Variants in NAA15 observed in about 807,000 individuals in gnomAD.
The protein encoded by NAA15 is N-alpha-acetyltransferase 15, NatA auxiliary subunit.
A neutral mutation model predicts 114.0 loss-of-function variants in NAA15; 34 were observed. That is an observed-to-expected ratio of 0.30 (90% CI 0.23 to 0.40). The LOEUF (loss-of-function observed/expected upper bound fraction) is 0.40, where lower values mean the gene tolerates loss of function less well. NAA15 is among the 10% of genes least tolerant of loss of function. The probability of loss-of-function intolerance (pLI) is 1.00; values close to 1 mark genes in which losing one functional copy is unlikely to be tolerated. For missense variants in NAA15, 658 were observed against 1,004.5 expected (o/e 0.66, Z 4.66); for synonymous variants, 340 against 338.0 (o/e 1.01, Z -0.06).
intron 1 of NAA15, among the ~76,000 whole-genome samples, chr4:139,318,999 T>G (rs1466052998): frequency 6.6e-6 from 1 of 152,122 alleles, no homozygotes; most frequent in Non-Finnish European, 1.5e-5. Context: ...TCTAAAAACA[T>G]TTTTGTAGGC....
chr4:139,367,003 A>G (rs1185432697), intron 14 of NAA15, among the ~76,000 whole-genome samples: 1 of 152,248 alleles, frequency 6.6e-6, no homozygotes, highest in Non-Finnish European at 1.5e-5. Flanking sequence ...GAATCTTGTC[A>G]TGTAAATCAG....
intron 1 of NAA15, among the ~76,000 whole-genome samples, chr4:139,332,035 G>C (rs1434127941): frequency 6.6e-6 from 1 of 152,050 alleles, no homozygotes; most frequent in Non-Finnish European, 1.5e-5. Flanking sequence ...GCTCTTGCTG[G>C]AAACCTATTC....
chr4:139,371,480 A>T, intron 15 of NAA15, among the ~76,000 whole-genome samples: 1 of 140,314 alleles, frequency 7.1e-6, no homozygotes, highest in Admixed American at 7.6e-5. Flanking sequence ...CTCTTAAAAA[A>T]AAAAAAAAGA....
At chr4:139,364,223 C>A (rs1748214217) in intron 14 of NAA15, among the ~76,000 whole-genome samples, 1 of 152,098 alleles carries the variant, frequency 6.6e-6, no homozygotes, top group Admixed American at 6.5e-5. Context: ...CTTTTTTTCA[C>A]TTAGGTTTTA....
At chr4:139,386,946 A>G (rs1337109556) in intron 19 of NAA15, among the ~76,000 whole-genome samples, 1 of 152,228 alleles carries the variant, frequency 6.6e-6, no homozygotes, top group African/African-American at 2.4e-5. Flanking sequence ...TGTAGTTTAA[A>G]CTAGAAACAA....
chr4:139,331,666 C>T (rs1430380022), intron 1 of NAA15, among the ~76,000 whole-genome samples: 11 of 147,480 alleles, frequency 7.5e-5, no homozygotes, highest in African/African-American at 2.5e-4. Context: ...AGTTTCACCA[C>T]GTTGGTCAGG....
At chr4:139,337,244 C>T (rs930883967) in intron 3 of NAA15, among the ~76,000 whole-genome samples, 3 of 152,084 alleles carry the variant, frequency 2.0e-5, no homozygotes, top group Non-Finnish European at 4.4e-5. Flanking sequence ...TGTGGCACTC[C>T]GCTACCCCAT....
At chr4:139,360,458 T>C in intron 12 of NAA15, 42 bp from the exon 13 acceptor site, 1 of 1,460,132 alleles carries the variant, frequency 6.8e-7, no homozygotes. Flanking sequence ...GAATGATGTC[T>C]ATGATAAAAA....
At chr4:139,313,547 T>G (rs1746288931) in intron 1 of NAA15, among the ~76,000 whole-genome samples, 1 of 150,482 alleles carries the variant, frequency 6.6e-6, no homozygotes, top group East Asian at 1.9e-4. Context: ...TTTCTTTCTT[T>G]TTTTTTTTTT....
chr4:139,333,213 C>T (rs1747083770), intron 1 of NAA15, among the ~76,000 whole-genome samples: 1 of 151,958 alleles, frequency 6.6e-6, no homozygotes, highest in South Asian at 2.1e-4. Flanking sequence ...ATGTAGAACC[C>T]ATGGATATGG....
At chr4:139,307,281 T>G (rs1395948274) in intron 1 of NAA15, among the ~76,000 whole-genome samples, 3 of 152,234 alleles carry the variant, frequency 2.0e-5, no homozygotes, top group Admixed American at 1.3e-4. Context: ...TTTTGTTGTT[T>G]TTGTTAAGAC....
At chr4:139,342,726 G>C (rs553478424) in intron 4 of NAA15, 100 bp from the exon 5 acceptor site, 2 of 1,101,546 alleles carry the variant, frequency 1.8e-6, no homozygotes, top group African/African-American at 1.6e-5. Flanking sequence ...GGGATTACAG[G>C]CGTGAGCCAC....
At chr4:139,336,988 G>A in intron 3 of NAA15, 36 bp downstream of exon 3, 1 of 1,394,226 alleles carries the variant, frequency 7.2e-7, no homozygotes, top group Non-Finnish European at 9.9e-7. Flanking sequence ...GTTTGAGTGG[G>A]GTGTTTTGAG....
chr4:139,306,590 T>C (rs1272259464), intron 1 of NAA15, among the ~76,000 whole-genome samples: 2 of 151,754 alleles, frequency 1.3e-5, no homozygotes, highest in Non-Finnish European at 2.9e-5. Flanking sequence ...TTTTTTTTTT[T>C]GGTCTGGTTT....
At chr4:139,337,874 A>G (rs1042289432) in intron 3 of NAA15, among the ~76,000 whole-genome samples, 1 of 152,206 alleles carries the variant, frequency 6.6e-6, no homozygotes, top group African/African-American at 2.4e-5. Flanking sequence ...TGGTTTATTC[A>G]AGTAATTGTC....
intron 4 of NAA15, 21 bp downstream of exon 4, chr4:139,341,090 T>C (rs753403771): frequency 6.9e-7 from 1 of 1,449,380 alleles, no homozygotes; most frequent in South Asian, 1.6e-5. Context: ...TAGAGACTTT[T>C]TTTTTTAATT....
rs1316507721 is a variant in NAA15 at position 139,362,038 on chromosome 4, C to A, written c.1753+101C>A. 3 of 699,954 alleles carry A rather than the reference C, an allele frequency of 4.3e-6. No homozygotes were observed. In the East Asian group the frequency reaches 8.7e-5, roughly 20 times the overall value. 43.4% of individuals were successfully genotyped at this position (699,954 alleles called of 1,614,324 possible). ...GTATTGCTCCATGTCTTGAGCACCA[C>A]GAGGAAAGATATTATACAAGGTTCT... On this transcript the variant is annotated intron_variant, in intron 14 of 19. Transcript: ENST00000296543.
intron 14 of NAA15, 44 bp from the exon 15 acceptor site, chr4:139,370,167 A>C (rs747356552): frequency 8.0e-6 from 11 of 1,380,976 alleles, no homozygotes; most frequent in Non-Finnish European, 1.1e-5. Flanking sequence ...TACTAATCTG[A>C]TTAACATGCT....
chr4:139,360,516 T>C lies in NAA15; in HGVS notation c.1427T>C (p.Val476Ala), dbSNP rs1748100576. ...TCTGTATAGGAAGGAACATCAGCGGTAGAGAATTTGAATGAAATGCAGTGC... is the reference window on the plus strand; with the variant it reads ...TCTGTATAGGAAGGAACATCAGCGGCAGAGAATTTGAATGAAATGCAGTGC... The part of the protein sequence containing the change: ...SKFTREGTSA[V>A]ENLNEMQCMW... The change falls in exon 13 of 20, where the codon GTA (valine) becomes GCA (alanine). Residue 476 changes from valine (V) to alanine (A), a missense_variant. By Grantham distance (64) the Val-to-Ala change is moderately conservative. Around this residue, in one of 6 missense-constraint regions of NAA15, gnomAD observed 281 missense variants for 389.1 expected, o/e 0.72. Coordinates refer to ENST00000296543, the MANE Select transcript of NAA15 (RefSeq NM_057175.5). 6.3e-7 allele frequency: 1 copy of C among 1,592,976 alleles called. No individual in the cohort carries two copies.
Sources: allele counts gnomAD v4.1 joint callset (sites outside exome capture counted in the v4.1 genomes callset), GRCh38; gene constraint gnomAD v4.1.1; regional missense constraint gnomAD v4.1.1; transcripts MANE v1.5; gene names NCBI Gene and HGNC (gene_info 2026-07-23, HGNC 2026-07-21).